Variants in SUGP2 observed in about 807,000 individuals in gnomAD.
The protein encoded by SUGP2 is SURP and G-patch domain containing 2, also known as SURP and G-patch domain-containing protein 2.
SUGP2 carries 24 observed loss-of-function variants against 90.5 expected under a neutral mutation model. The observed-to-expected ratio is 0.27, with a 90% CI of 0.19 to 0.37. The LOEUF (loss-of-function observed/expected upper bound fraction) is 0.37, where lower values mean the gene tolerates loss of function less well. Among genes scored for constraint, SUGP2 ranks in the 10% least tolerant of loss-of-function variants. The pLI is 1.00. For missense variants in SUGP2, 1,233 were observed against 1,363.3 expected (o/e 0.90, Z 1.51); for synonymous variants, 473 against 513.4 (o/e 0.92, Z 1.06).
intron 4 of SUGP2, among the ~76,000 whole-genome samples, chr19:19,011,821 A>T (rs951993281): frequency 1.3e-5 from 2 of 152,048 alleles, no homozygotes; most frequent in African/African-American, 4.8e-5. Flanking sequence ...ACATGGCGAA[A>T]CCCCATCTCT....
Position 19,025,397 on chromosome 19 carries a change from G to A in SUGP2, c.951C>T (p.Asp317=). 2 of 1,614,112 alleles carry A rather than the reference G, an allele frequency of 1.2e-6. No homozygotes were observed. The highest frequency in any genetic ancestry group is 1.7e-6 in the Non-Finnish European group (2 of 1,180,014). The change falls in exon 3 of 11, where the codon GAC becomes GAT. Residue 317 remains aspartate (D), a synonymous_variant. Coordinates refer to ENST00000452918, the MANE Select transcript of SUGP2 (RefSeq NM_001017392.5). ...LRLPRRKMSF[D]IIDKSDVFSR... ...AAAAAACATCAGACTTATCTATGAT[G>A]TCAAAGCTCATCTTTCTTCTGGGGA...
intron 8 of SUGP2, among the ~76,000 whole-genome samples, chr19:18,998,145 C>G (rs1446032921): frequency 6.6e-6 from 1 of 152,262 alleles, no homozygotes; most frequent in African/African-American, 2.4e-5. Flanking sequence ...CTAAAATCAT[C>G]TGCTTCCCCT....
intron 2 of SUGP2, among the ~76,000 whole-genome samples, chr19:19,029,159 T>TC (rs71168791): frequency 0.14 from 20,568 of 150,962 alleles, 1,748 homozygotes; most frequent in Non-Finnish European, 0.19. Context: ...TTTTTTTTTT[T>TC]GAGACGGAGT....
intron 7 of SUGP2, 127 bp downstream of exon 7, chr19:19,004,041 C>T (rs969819472): frequency 5.5e-6 from 4 of 721,750 alleles, no homozygotes; most frequent in Non-Finnish European, 9.2e-6. Context: ...TGAGTGTCGG[C>T]TCACATTTTG....
At chr19:18,995,922 G>A (rs946552691) in intron 8 of SUGP2, among the ~76,000 whole-genome samples, 19 of 152,124 alleles carry the variant, frequency 1.2e-4, no homozygotes, top group African/African-American at 4.3e-4. Context: ...CAATCTCTGG[G>A]CCACTAGATG....
intron 3 of SUGP2, among the ~76,000 whole-genome samples, chr19:19,020,529 G>A (rs1459372224): frequency 1.3e-5 from 2 of 150,512 alleles, no homozygotes; most frequent in South Asian, 2.1e-4. Flanking sequence ...CTGCAGCCTC[G>A]AACTCCTAGG....
In SUGP2 at chr19:19,010,463, G is replaced by A. The variant is rs545072816; in HGVS notation, c.1851-121C>T. 5 of 1,332,136 alleles carry A rather than the reference G, an allele frequency of 3.8e-6. No individual in the cohort carries two copies. In the South Asian group the frequency reaches 6.7e-5, roughly 18 times the overall value. 82.5% of individuals were successfully genotyped at this position (1,332,136 alleles called of 1,614,324 possible). A position where few individuals can be genotyped will look rare whatever the true frequency, so the allele number is the denominator to read the frequency against. Reference sequence around the variant, plus strand: ...CCTCACTGTCCTCTCCTGTCTCAGAGGCTCTGCCTGGCTCTACTGAGGACC... The same window carrying A: ...CCTCACTGTCCTCTCCTGTCTCAGAAGCTCTGCCTGGCTCTACTGAGGACC... On this transcript the variant is annotated intron_variant, in intron 4 of 10. Coordinates refer to ENST00000452918, the MANE Select transcript of SUGP2 (RefSeq NM_001017392.5).
rs758169061 is a variant in SUGP2, at chr19:18,991,677, C to T, written c.*2064G>A. The T allele has an allele frequency of 8.5e-5, 13 of 152,404 alleles. No individual in the cohort carries two copies. The highest frequency in any genetic ancestry group is 1.9e-4 in the East Asian group (1 of 5,172). 9.4% of individuals were successfully genotyped at this position (152,404 alleles called of 1,614,324 possible). A position where few individuals can be genotyped will look rare whatever the true frequency, so the allele number is the denominator to read the frequency against. On this transcript the variant is annotated 3_prime_UTR_variant, in exon 11 of 11. Transcript: ENST00000452918. The stretch of plus-strand genomic sequence containing the variant: ...ACGCTGCAGGTGTGTGCGCCTCGCT[C>T]GGGTCAATGGGCTGAGCCCCGCTTG...
intron 3 of SUGP2, among the ~76,000 whole-genome samples, chr19:19,022,239 C>T (rs757416333): frequency 6.6e-6 from 1 of 152,160 alleles, no homozygotes; most frequent in Non-Finnish European, 1.5e-5. Flanking sequence ...CCGCCTCGGC[C>T]TCCCAAAGTG....
chr19:19,021,159 CAAAAAAAA>C (rs386388689), intron 3 of SUGP2, among the ~76,000 whole-genome samples: 1 of 66,964 alleles, frequency 1.5e-5, no homozygotes, highest in African/African-American at 6.2e-5. Flanking sequence ...AATTCCATCT[CAAAAAAAA>C]AAAAAAAAAA....
chr19:19,007,563 C>T (rs1274395515), intron 6 of SUGP2: 1 of 150,690 alleles, frequency 6.6e-6, no homozygotes, highest in Non-Finnish European at 1.5e-5. Flanking sequence ...AGCAATTCTC[C>T]TGCCTCAGCC....
chr19:18,994,514 T>C, intron 9 of SUGP2, 28 bp from the exon 10 acceptor site: 1 of 1,612,248 alleles, frequency 6.2e-7, no homozygotes, highest in Non-Finnish European at 8.5e-7. Context: ...GAGTCAGTTG[T>C]GCACCTGAGC....
chr19:19,032,748 G>A (rs773767641), intron 1 of SUGP2, among the ~76,000 whole-genome samples: 1 of 152,086 alleles, frequency 6.6e-6, no homozygotes, highest in Non-Finnish European at 1.5e-5. Context: ...AAGGGTATTC[G>A]TGCATCCAAA....
chr19:18,995,119 C>A, intron 9 of SUGP2, 25 bp downstream of exon 9: 2 of 1,606,656 alleles, frequency 1.2e-6, no homozygotes, highest in South Asian at 2.2e-5. Context: ...CCACCCACTC[C>A]CACCCCAGGC....
At chr19:19,000,927 ACT>A (rs2057804535) in intron 8 of SUGP2, among the ~76,000 whole-genome samples, 1 of 150,918 alleles carries the variant, frequency 6.6e-6, no homozygotes, top group Admixed American at 6.6e-5. Flanking sequence ...CTGGTCTTAA[ACT>A]CTTGGACTCA....
At chr19:19,030,320 T>C (rs539276799) in intron 2 of SUGP2, among the ~76,000 whole-genome samples, 3 of 151,912 alleles carry the variant, frequency 2.0e-5, no homozygotes, top group African/African-American at 7.2e-5. Context: ...TAAAACCTCA[T>C]CTCTACTACA....
intron 1 of SUGP2, among the ~76,000 whole-genome samples, chr19:19,031,423 A>T (rs748286364): frequency 1.3e-5 from 2 of 152,022 alleles, no homozygotes; most frequent in Non-Finnish European, 2.9e-5. Flanking sequence ...AATCCCAGCT[A>T]CTTGGGAGGC....
intron 2 of SUGP2, among the ~76,000 whole-genome samples, chr19:19,028,853 A>G (rs1396822510): frequency 1.3e-5 from 2 of 150,630 alleles, no homozygotes; most frequent in South Asian, 2.1e-4. Context: ...GGCCTGCCAC[A>G]TTTTTGTATT....
intron 3 of SUGP2, among the ~76,000 whole-genome samples, chr19:19,022,694 T>C (rs956382006): frequency 3.3e-5 from 5 of 152,096 alleles, no homozygotes; most frequent in Non-Finnish European, 5.9e-5. Context: ...TCATACAGTA[T>C]GCCATCACTT....
Sources: gnomAD v4.1 joint callset for allele counts (sites outside exome capture counted in the v4.1 genomes callset) on GRCh38, gnomAD v4.1.1 for gene constraint, MANE v1.5 for transcripts, NCBI Gene and HGNC (gene_info 2026-07-23, HGNC 2026-07-21) for gene names.